The following PDS5A variants were observed in gnomAD, a reference collection of about 807,000 sequenced individuals.
PDS5A encodes sister chromatid cohesion protein PDS5 homolog A.
PDS5A carries 42 observed loss-of-function variants against 167.1 expected under a neutral mutation model. That is an observed-to-expected ratio of 0.25 (90% confidence interval 0.20 to 0.33). The LOEUF (loss-of-function observed/expected upper bound fraction) is 0.33, where lower values mean the gene tolerates loss of function less well. Ranked by LOEUF, PDS5A falls within the 10% of genes least tolerant of loss-of-function variation. The probability of loss-of-function intolerance (pLI) is 1.00; values close to 1 mark genes in which losing one functional copy is unlikely to be tolerated. For synonymous variants in PDS5A, 553 were observed against 554.6 expected (o/e 1.00, Z 0.04); for missense variants, 1,033 against 1,605.9 (o/e 0.64, Z 6.10).
At chr4:39,834,184 C>CA (rs34080418) in intron 32 of PDS5A, among the ~76,000 whole-genome samples, 30,750 of 108,088 alleles carry the variant, frequency 0.28, 4,190 homozygotes, top group Middle Eastern at 0.47. Flanking sequence ...GATATTGTCT[C>CA]AAAAAAAAAA....
At chr4:39,849,780 A>G (rs562175869) in intron 26 of PDS5A, 128 bp from the exon 27 acceptor site, 78 of 579,824 alleles carry the variant, frequency 1.3e-4, no homozygotes, top group Non-Finnish European at 1.9e-4. Flanking sequence ...AATGACTAAT[A>G]TATGTTATTA....
chr4:39,849,840 T>C (rs765470473), intron 26 of PDS5A, among the ~76,000 whole-genome samples, 188 bp from the exon 27 acceptor site: 1 of 152,068 alleles, frequency 6.6e-6, no homozygotes, highest in Non-Finnish European at 1.5e-5. Flanking sequence ...AAATAACATA[T>C]AAAAAATGAA....
intron 5 of PDS5A, among the ~76,000 whole-genome samples, chr4:39,924,222 C>T (rs892149847): frequency 2.0e-5 from 3 of 152,094 alleles, no homozygotes; most frequent in African/African-American, 7.2e-5. Flanking sequence ...AGATATCCTG[C>T]CAACTGACTA....
At chr4:39,959,210 T>C (rs904604716) in intron 2 of PDS5A, among the ~76,000 whole-genome samples, 1 of 152,214 alleles carries the variant, frequency 6.6e-6, no homozygotes, top group African/African-American at 2.4e-5. Flanking sequence ...TTTCCCTTAC[T>C]GAACTAAATG....
chr4:39,948,210 C>CAAAAAAAAAAAAAAAAAAAAA (rs35177594), intron 2 of PDS5A, among the ~76,000 whole-genome samples: 2 of 96,454 alleles, frequency 2.1e-5, no homozygotes, highest in East Asian at 2.7e-4. Flanking sequence ...TATCCCGTCT[C>CAAAAAAAAAAAAAAAAAAAAA]AAAAAAAAAA....
At chr4:39,854,748 C>A (rs1718398027) in intron 26 of PDS5A, among the ~76,000 whole-genome samples, 1 of 152,098 alleles carries the variant, frequency 6.6e-6, no homozygotes, top group Non-Finnish European at 1.5e-5. Context: ...TATTACATAA[C>A]CTCACAACCC....
intron 26 of PDS5A, among the ~76,000 whole-genome samples, chr4:39,859,379 C>T (rs181742225): frequency 1.4e-4 from 22 of 152,250 alleles, no homozygotes; most frequent in Admixed American, 1.4e-3. Flanking sequence ...CTCCTGGGCT[C>T]GGGCAATCCT....
At chr4:39,862,101 A>G in intron 26 of PDS5A, 118 bp downstream of exon 26, 1 of 431,260 alleles carries the variant, frequency 2.3e-6, no homozygotes, top group East Asian at 3.7e-5. Context: ...AATGAATAAA[A>G]CCATAAGGAG....
rs1715000059 is a variant in PDS5A at position 39,823,061 on chromosome 4, A to G, written c.*2424T>C. The G allele has an allele frequency of 6.6e-6, 1 of 152,642 alleles. No individual in the cohort carries two copies. Among genetic ancestry groups the G allele is most frequent in the Non-Finnish European group, 1.5e-5 (1 of 68,044 alleles). The allele number at this position is 152,642 out of a possible 1,614,324, so 9.5% of individuals were successfully genotyped here. A position where few individuals can be genotyped will look rare whatever the true frequency, so the allele number is the denominator to read the frequency against. On this transcript the variant is annotated 3_prime_UTR_variant, in exon 33 of 33. Coordinates refer to ENST00000303538, the MANE Select transcript of PDS5A (RefSeq NM_001100399.2). ...ACACACTTTTTATCAAAGGAGATAC[A>G]AAATTCTGGCTTGTTGTTTTAGACA...
chr4:39,869,567 G>C (rs991698748), intron 21 of PDS5A, 105 bp from the exon 22 acceptor site: 35 of 723,298 alleles, frequency 4.8e-5, no homozygotes, highest in Admixed American at 2.4e-4. Flanking sequence ...AGAAACCTAC[G>C]GGAACATCAC....
intron 2 of PDS5A, among the ~76,000 whole-genome samples, chr4:39,962,232 A>G (rs1340554784): frequency 1.3e-5 from 2 of 151,846 alleles, no homozygotes; most frequent in Admixed American, 6.6e-5. Flanking sequence ...TAATTTTTGT[A>G]TTTTTAGTAG....
chr4:39,953,558 T>C (rs1230726558), intron 2 of PDS5A, among the ~76,000 whole-genome samples: 1 of 151,742 alleles, frequency 6.6e-6, no homozygotes, highest in Non-Finnish European at 1.5e-5. Context: ...TAGTGAGACC[T>C]TGTCTCTACT....
chr4:39,926,173 A>C (rs1355290898), intron 4 of PDS5A, among the ~76,000 whole-genome samples: 3 of 152,090 alleles, frequency 2.0e-5, no homozygotes, highest in Non-Finnish European at 4.4e-5. Context: ...ATATATTTCC[A>C]TACAAAATTT....
At position 39,960,267 on chromosome 4, in the gene PDS5A, T is replaced by A. The variant is rs568547892; in HGVS notation, c.138+16173A>T. 3.3e-5 allele frequency among the ~76,000 whole-genome samples: 5 copies of A among 152,114 alleles called. No homozygotes were observed. The South Asian group carries it at 1.0e-3, about 32-fold the overall frequency. On this transcript the variant is annotated intron_variant, in intron 2 of 32. Transcript: ENST00000303538. ...CTGGGTGACGGAGTGAGACTCTGTC[T>A]CAAAAAACAAAAACAAAAACAACAA...
At position 39,910,838 on chromosome 4, in the gene PDS5A, T is replaced by C. The variant is rs374635246; in HGVS notation, c.993-500A>G. On this transcript the variant is annotated intron_variant, in intron 9 of 32. Transcript: ENST00000303538. Reference sequence around the variant, plus strand: ...GGCAAAACCCTGTCTCTACAAAATATACAAAAATTAGGCAGGCATGGTAGC... The same window carrying C: ...GGCAAAACCCTGTCTCTACAAAATACACAAAAATTAGGCAGGCATGGTAGC... Among the ~76,000 whole-genome samples, 12 of 152,092 alleles carry C rather than the reference T, an allele frequency of 7.9e-5. No homozygotes were observed. In the East Asian group the frequency reaches 2.1e-3, roughly 27 times the overall value.
intron 5 of PDS5A, among the ~76,000 whole-genome samples, chr4:39,924,760 T>G (rs541014907): frequency 6.6e-6 from 1 of 152,238 alleles, no homozygotes; most frequent in Non-Finnish European, 1.5e-5. Context: ...TGAGGTATGT[T>G]TGCATATAAT....
At chr4:39,892,539 C>A (rs920458341) in intron 16 of PDS5A, among the ~76,000 whole-genome samples, 1 of 152,204 alleles carries the variant, frequency 6.6e-6, no homozygotes, top group African/African-American at 2.4e-5. Context: ...CCTATTTCCA[C>A]CCCTGCCTGG....
intron 32 of PDS5A, among the ~76,000 whole-genome samples, chr4:39,831,968 G>C (rs1233935198): frequency 2.1e-5 from 3 of 143,134 alleles, no homozygotes; most frequent in Non-Finnish European, 3.0e-5. Context: ...ACAAAAATTA[G>C]CCGGGTGTGG....
intron 24 of PDS5A, 107 bp from the exon 25 acceptor site, chr4:39,863,180 G>GA (rs1719141355): frequency 1.0e-6 from 1 of 953,916 alleles, no homozygotes; most frequent in African/African-American, 1.7e-5. Context: ...TTATATGGGA[G>GA]AATAAATAAT....
Sources: allele counts gnomAD v4.1 joint callset (sites outside exome capture counted in the v4.1 genomes callset), GRCh38; gene constraint gnomAD v4.1.1; transcripts MANE v1.5; gene names NCBI Gene and HGNC (gene_info 2026-07-23, HGNC 2026-07-21).